PRKAG2: variants seen among roughly 807,000 people sequenced by gnomAD.
PRKAG2 encodes the protein 5'-AMP-activated protein kinase subunit gamma-2.
Under a neutral mutation model 69.6 loss-of-function variants are expected in PRKAG2, and 26 were observed. That is an observed-to-expected ratio of 0.37 (90% CI 0.27 to 0.52). The LOEUF is 0.52. Ranked by LOEUF, PRKAG2 falls within the 20% of genes least tolerant of loss-of-function variation. The probability of loss-of-function intolerance (pLI) is 0.90; values close to 1 mark genes in which losing one functional copy is unlikely to be tolerated. For synonymous variants in PRKAG2, 293 were observed against 285.0 expected (o/e 1.03, Z -0.28); for missense variants, 557 against 740.0 (o/e 0.75, Z 2.87).
intron 1 of PRKAG2, among the ~76,000 whole-genome samples, chr7:151,840,144 ACAT>A (rs989018632): frequency 2.0e-5 from 3 of 152,172 alleles, no homozygotes; most frequent in Non-Finnish European, 4.4e-5. Flanking sequence ...TCAAAAGAAG[ACAT>A]CATCTAAGTT....
intron 3 of PRKAG2, among the ~76,000 whole-genome samples, chr7:151,776,203 C>T (rs1160937528): frequency 3.9e-5 from 6 of 152,314 alleles, no homozygotes; most frequent in Middle Eastern, 3.4e-3. Flanking sequence ...TTGCTCTGTT[C>T]TGAACTCCCC....
At chr7:151,646,401 T>C (rs1326518014) in intron 4 of PRKAG2, among the ~76,000 whole-genome samples, 1 of 152,244 alleles carries the variant, frequency 6.6e-6, no homozygotes, top group Non-Finnish European at 1.5e-5. Flanking sequence ...ATATCTTTTG[T>C]TAAATTTATT....
At chr7:151,866,600 G>A (rs980442712) in intron 1 of PRKAG2, among the ~76,000 whole-genome samples, 7 of 152,104 alleles carry the variant, frequency 4.6e-5, no homozygotes, top group Non-Finnish European at 4.4e-5. Flanking sequence ...CCCATCAAGC[G>A]TATCTAGGTT....
chr7:151,804,641 A>G (rs1461507375), intron 1 of PRKAG2, among the ~76,000 whole-genome samples: 4 of 152,150 alleles, frequency 2.6e-5, no homozygotes, highest in African/African-American at 9.7e-5. Flanking sequence ...TGACTCACCA[A>G]CAGGCTATTT....
chr7:151,734,901 C>T (rs562116728), intron 3 of PRKAG2, among the ~76,000 whole-genome samples: 9 of 130,594 alleles, frequency 6.9e-5, no homozygotes, highest in Non-Finnish European at 1.2e-4. Context: ...GTCGCCCAGG[C>T]TGAAGTGCAG....
At chr7:151,793,817 C>T (rs2077370524) in intron 1 of PRKAG2, among the ~76,000 whole-genome samples, 1 of 152,212 alleles carries the variant, frequency 6.6e-6, no homozygotes, top group Non-Finnish European at 1.5e-5. Flanking sequence ...CAATTGGAGC[C>T]TTTGAAAAAC....
intron 1 of PRKAG2, among the ~76,000 whole-genome samples, chr7:151,863,789 C>A (rs572039497): frequency 6.6e-6 from 1 of 151,954 alleles, no homozygotes; most frequent in Admixed American, 6.6e-5. Context: ...GTGGCACCTG[C>A]GGTCCCGGCT....
intron 3 of PRKAG2, among the ~76,000 whole-genome samples, chr7:151,720,184 C>CA (rs780838222): frequency 4.6e-5 from 7 of 152,154 alleles, no homozygotes; most frequent in Non-Finnish European, 1.0e-4. Flanking sequence ...CAAACTCCTC[C>CA]AGTGGCTGCA....
At chr7:151,830,444 G>T (rs996174891) in intron 1 of PRKAG2, among the ~76,000 whole-genome samples, 1 of 151,938 alleles carries the variant, frequency 6.6e-6, no homozygotes, top group African/African-American at 2.4e-5. Context: ...AGCCAAGCCC[G>T]GGGTCTGAGC....
At chr7:151,591,017 G>C (rs4725412) in intron 6 of PRKAG2, among the ~76,000 whole-genome samples, 27,508 of 152,162 alleles carry the variant, frequency 0.18, 2,898 homozygotes, top group African/African-American at 0.29. Context: ...GAATCCACAG[G>C]CTTCGGGAGA....
Position 151,773,979 on chromosome 7 carries a change from A to G in PRKAG2, c.466+7173T>C, listed in dbSNP as rs142696132. On this transcript the variant is annotated intron_variant, in intron 3 of 15. Transcript: ENST00000287878. ...CACAGATGGGCGTGACTGTGTCTCCATGACAGCTTTGTTTACAAAAAGAGG... is the reference window on the plus strand; with the variant it reads ...CACAGATGGGCGTGACTGTGTCTCCGTGACAGCTTTGTTTACAAAAAGAGG... Among the ~76,000 whole-genome samples the G allele has an allele frequency of 3.4e-3, 514 of 152,314 alleles. 1 individual carries two copies. The highest frequency in any genetic ancestry group is 6.1e-3 in the Non-Finnish European group (415 of 68,032).
Position 151,780,768 on chromosome 7 carries a change from T to C in PRKAG2, c.466+384A>G, listed in dbSNP as rs368647707. 6.6e-6 allele frequency among the ~76,000 whole-genome samples: 1 copy of C among 152,154 alleles called. No homozygotes were observed. The highest frequency in any genetic ancestry group is 6.5e-5 in the Admixed American group (1 of 15,278). On this transcript the variant is annotated intron_variant, in intron 3 of 15. Coordinates refer to ENST00000287878, the MANE Select transcript of PRKAG2 (RefSeq NM_016203.4). The surrounding 1 kb of genome is among the most constrained non-coding windows in gnomAD (Gnocchi z 4.2). Reference sequence around the variant, plus strand: ...CCATATCAGGCTGACCAAAGCAGTATGGTCCCGTGGCCCCGGGTGAGGGCC... The same window carrying C: ...CCATATCAGGCTGACCAAAGCAGTACGGTCCCGTGGCCCCGGGTGAGGGCC...
At chr7:151,679,221 G>C (rs947850839) in intron 3 of PRKAG2, among the ~76,000 whole-genome samples, 2 of 152,130 alleles carry the variant, frequency 1.3e-5, no homozygotes, top group Non-Finnish European at 2.9e-5. Context: ...GCCAGGGCTC[G>C]GGGAGGCCTG....
intron 15 of PRKAG2, chr7:151,557,907 A>C (rs1202389702): frequency 5.1e-6 from 5 of 982,388 alleles, no homozygotes; most frequent in Non-Finnish European, 6.0e-6. Context: ...AACAAAAAAA[A>C]AACCTTTATA....
intron 3 of PRKAG2, among the ~76,000 whole-genome samples, chr7:151,693,304 G>C (rs964865648): frequency 6.6e-6 from 1 of 152,146 alleles, no homozygotes; most frequent in African/African-American, 2.4e-5. Flanking sequence ...GGAGACCCAA[G>C]GCCCTCCGAG....
At chr7:151,785,289 A>C (rs1009604677) in intron 2 of PRKAG2, among the ~76,000 whole-genome samples, 6 of 152,140 alleles carry the variant, frequency 3.9e-5, no homozygotes, top group Non-Finnish European at 8.8e-5. Context: ...TTTTCACTGG[A>C]AAGAAGGGTT....
chr7:151,637,171 T>C (rs1163771607), intron 4 of PRKAG2, among the ~76,000 whole-genome samples: 1 of 152,240 alleles, frequency 6.6e-6, no homozygotes, highest in African/African-American at 2.4e-5. Context: ...AGGATCTCTC[T>C]GCATTATTTC....
intron 1 of PRKAG2, chr7:151,809,281 C>T (rs2078292448): frequency 2.2e-6 from 1 of 456,594 alleles, no homozygotes; most frequent in African/African-American, 2.0e-5. Context: ...CCCCTTCCCA[C>T]ACACCCCTAC....
intron 3 of PRKAG2, among the ~76,000 whole-genome samples, chr7:151,683,692 G>A (rs186632227): frequency 3.6e-4 from 55 of 152,262 alleles, no homozygotes; most frequent in Admixed American, 6.5e-4. Context: ...GGAGGATGGC[G>A]AGCGCCGTGA....
Sources: gnomAD v4.1 joint callset for allele counts (sites outside exome capture counted in the v4.1 genomes callset) on GRCh38, gnomAD v4.1.1 for gene constraint, Gnocchi (gnomAD v3.1) non-coding constraint, MANE v1.5 for transcripts, NCBI Gene and HGNC (gene_info 2026-07-23, HGNC 2026-07-21) for gene names.